The following HSF2 variants were observed in gnomAD, a reference collection of about 807,000 sequenced individuals.
HSF2 encodes the protein heat shock transcription factor 2.
Under a neutral mutation model 65.0 loss-of-function variants are expected in HSF2, and 21 were observed. The ratio of observed to expected loss-of-function variants is 0.32; its 90% CI spans 0.23 to 0.47. The LOEUF (loss-of-function observed/expected upper bound fraction) is 0.47. Among genes scored for constraint, HSF2 ranks in the 20% least tolerant of loss-of-function variants. The probability of loss-of-function intolerance (pLI) is 1.00; values close to 1 mark genes in which losing one functional copy is unlikely to be tolerated. For synonymous variants in HSF2, 225 were observed against 219.1 expected (o/e 1.03, Z -0.24); for missense variants, 499 against 628.1 (o/e 0.79, Z 2.20).
chr6:122,399,844 A>C lies in HSF2; in HGVS notation c.93+14A>C. ...ACCTGGAGCCAGGTACGGTCAGGCC[A>C]CGGCGGCCTCTGAACCCCCTGAATA... On this transcript the variant is annotated intron_variant, in intron 1 of 12. Coordinates refer to ENST00000368455, the MANE Select transcript of HSF2 (RefSeq NM_004506.4). The C allele has an allele frequency of 1.1e-5, 18 of 1,603,438 alleles. No homozygotes were observed. The highest frequency in any genetic ancestry group is 1.5e-5 in the Non-Finnish European group (18 of 1,171,566).
chr6:122,401,835 C>T (rs1305423631), intron 1 of HSF2, among the ~76,000 whole-genome samples: 2 of 152,126 alleles, frequency 1.3e-5, no homozygotes, highest in Non-Finnish European at 2.9e-5. Context: ...TCTTAGAGAT[C>T]ATCTAGGTTA....
Position 122,432,200 on chromosome 6 carries a change from A to T in HSF2, c.1591A>T (p.Met531Leu), listed in dbSNP as rs766473259. The change falls in exon 13 of 13, where the codon ATG (methionine) becomes TTG (leucine). Residue 531 changes from methionine to leucine, a missense_variant. Met to Leu is a conservative substitution (Grantham distance 15). Coordinates refer to ENST00000368455, the MANE Select transcript of HSF2 (RefSeq NM_004506.4). ...ELAPAPLDSDMPLLDS is the reference protein window; with the variant it reads ...ELAPAPLDSDLPLLDS ...TGCTCCTGCACCTCTGGATAGTGATATGCCACTTTTAGATAGCTAAATCCC... is the reference window on the plus strand; with the variant it reads ...TGCTCCTGCACCTCTGGATAGTGATTTGCCACTTTTAGATAGCTAAATCCC... 1.2e-6 allele frequency: 2 copies of T among 1,613,096 alleles called. No individual in the cohort carries two copies. Among genetic ancestry groups the T allele is most frequent in the Admixed American group, 3.3e-5 (2 of 59,982 alleles).
At chr6:122,403,251 A>T (rs926993890) in intron 1 of HSF2, among the ~76,000 whole-genome samples, 16 of 152,330 alleles carry the variant, frequency 1.1e-4, no homozygotes, top group African/African-American at 3.8e-4. Context: ...TTGAAATTAT[A>T]CTTAAATATG....
chr6:122,399,970 G>A, intron 1 of HSF2, 140 bp downstream of exon 1: 2 of 690,340 alleles, frequency 2.9e-6, no homozygotes, highest in Non-Finnish European at 4.9e-6. Flanking sequence ...GTTCAGCCTC[G>A]CGGGGGACCC....
intron 11 of HSF2, among the ~76,000 whole-genome samples, chr6:122,431,090 T>C (rs1023861561): frequency 9.9e-5 from 15 of 152,184 alleles, no homozygotes; most frequent in African/African-American, 3.4e-4. Flanking sequence ...TAATTATCTC[T>C]CAATTAACAT....
intron 1 of HSF2, among the ~76,000 whole-genome samples, chr6:122,411,987 T>G (rs1774007159): frequency 6.6e-6 from 1 of 151,970 alleles, no homozygotes; most frequent in African/African-American, 2.4e-5. Flanking sequence ...TATAAAATGG[T>G]ACTTCCTCTC....
intron 5 of HSF2, among the ~76,000 whole-genome samples, chr6:122,417,611 G>A (rs1300398080): frequency 3.3e-5 from 5 of 152,070 alleles, no homozygotes; most frequent in African/African-American, 1.2e-4. Flanking sequence ...TATGTGTGAT[G>A]GTCCAGTTAT....
intron 1 of HSF2, among the ~76,000 whole-genome samples, chr6:122,408,538 G>A (rs1773917653): frequency 6.6e-6 from 1 of 151,966 alleles, no homozygotes; most frequent in African/African-American, 2.4e-5. Flanking sequence ...GTTGTAAATG[G>A]TGTTCTTGAC....
chr6:122,415,243 A>T (rs1320590510), intron 4 of HSF2, among the ~76,000 whole-genome samples: 1 of 152,218 alleles, frequency 6.6e-6, no homozygotes, highest in African/African-American at 2.4e-5. Flanking sequence ...CTTTTTCAGA[A>T]TAACATTTTA....
At chr6:122,410,537 T>C in intron 1 of HSF2, among the ~76,000 whole-genome samples, 1 of 151,846 alleles carries the variant, frequency 6.6e-6, no homozygotes, top group East Asian at 1.9e-4. Context: ...CTTTCCACAC[T>C]GAAACTTTAT....
intron 1 of HSF2, among the ~76,000 whole-genome samples, chr6:122,400,366 C>T (rs1226593521): frequency 1.3e-5 from 2 of 152,142 alleles, no homozygotes; most frequent in African/African-American, 4.8e-5. Flanking sequence ...GGGCAATAGA[C>T]ATACGTTCAA....
Position 122,399,662 on chromosome 6 carries a change from A to G in HSF2, c.-76A>G, listed in dbSNP as rs1484782519. 3 of 1,219,194 alleles carry G rather than the reference A, an allele frequency of 2.5e-6. No individual in the cohort carries two copies. The highest frequency in any genetic ancestry group is 1.8e-5 in the Admixed American group (1 of 54,196). 75.5% of individuals were successfully genotyped at this position (1,219,194 alleles called of 1,614,324 possible). On this transcript the variant is annotated 5_prime_UTR_variant, in exon 1 of 13. Coordinates refer to ENST00000368455, the MANE Select transcript of HSF2 (RefSeq NM_004506.4). ...GCCTGCGTTGTGGGCGTTCTCGGGGAGCTGCTGCCGTAGCTGCCGCCGCCG... is the reference window on the plus strand; with the variant it reads ...GCCTGCGTTGTGGGCGTTCTCGGGGGGCTGCTGCCGTAGCTGCCGCCGCCG...
In HSF2 at chr6:122,415,741, C is replaced by T. The variant is rs777956609; in HGVS notation, c.456-480C>T. 9.2e-5 allele frequency among the ~76,000 whole-genome samples: 14 copies of T among 151,978 alleles called. No homozygotes were observed. In the South Asian group the frequency reaches 2.1e-3, roughly 23 times the overall value. On this transcript the variant is annotated intron_variant, in intron 4 of 12. Transcript: ENST00000368455. ...GAAGGAATGATTCTGGTGCTGGGTG[C>T]GGTGGCTCATGCCTGTAATCGCAGC...
In HSF2 at chr6:122,433,022, A is replaced by C. The variant is rs1774510778; in HGVS notation, c.*802A>C. 6.6e-6 allele frequency: 1 copy of C among 152,204 alleles called. No homozygotes were observed. Among genetic ancestry groups the C allele is most frequent in the Admixed American group, 6.5e-5 (1 of 15,280 alleles). 9.4% of individuals were successfully genotyped at this position (152,204 alleles called of 1,614,324 possible). A position where few individuals can be genotyped will look rare whatever the true frequency, so the allele number is the denominator to read the frequency against. On this transcript the variant is annotated 3_prime_UTR_variant, in exon 13 of 13. Transcript: ENST00000368455. ...TCACATGAAACAATTTTTTCTTCTC[A>C]TAGGAAGCAGTAGCTTTAAACTGTC...
At chr6:122,406,895 T>C (rs1773879822) in intron 1 of HSF2, among the ~76,000 whole-genome samples, 2 of 151,342 alleles carry the variant, frequency 1.3e-5, no homozygotes, top group Non-Finnish European at 2.9e-5. Flanking sequence ...AAAACAGGAG[T>C]ATTTTTGAAC....
chr6:122,403,490 C>G (rs1380328983), intron 1 of HSF2, among the ~76,000 whole-genome samples: 1 of 151,798 alleles, frequency 6.6e-6, no homozygotes, highest in African/African-American at 2.4e-5. Flanking sequence ...ATCTTTAGTC[C>G]CAGCTACTCA....
upstream of HSF2, chr6:122,399,570 C>T: frequency 1.7e-6 from 1 of 585,860 alleles, no homozygotes; most frequent in Admixed American, 3.2e-5. Flanking sequence ...TCACGTGCGG[C>T]CGCCCGGCCT....
At chr6:122,429,233 T>C (rs1774408234) in intron 11 of HSF2, among the ~76,000 whole-genome samples, 1 of 152,080 alleles carries the variant, frequency 6.6e-6, no homozygotes, top group Admixed American at 6.6e-5. Context: ...TGGACCCATA[T>C]CATTTGTTCA....
chr6:122,418,200 A>G (rs955627926), intron 5 of HSF2, among the ~76,000 whole-genome samples: 3 of 152,190 alleles, frequency 2.0e-5, no homozygotes, highest in East Asian at 1.9e-4. Context: ...GTGATATACT[A>G]CTTTTTATAG....
Sources: gnomAD v4.1 joint callset for allele counts (sites outside exome capture counted in the v4.1 genomes callset) on GRCh38, gnomAD v4.1.1 for gene constraint, MANE v1.5 for transcripts, NCBI Gene and HGNC (gene_info 2026-07-23, HGNC 2026-07-21) for gene names.